CREB5: variants seen among roughly 807,000 people sequenced by gnomAD.
CREB5 encodes the protein cyclic AMP-responsive element-binding protein 5.
Under a neutral mutation model 57.1 loss-of-function variants are expected in CREB5, and 19 were observed. The ratio of observed to expected loss-of-function variants is 0.33; its 90% CI spans 0.23 to 0.49. CREB5 has a LOEUF of 0.49. Ranked by LOEUF, CREB5 falls within the 20% of genes least tolerant of loss-of-function variation. The pLI is 0.99. For synonymous variants in CREB5, 238 were observed against 238.3 expected, an observed-to-expected ratio of 1.00 and a Z score of 0.01; for missense variants, 579 against 671.6, an observed-to-expected ratio of 0.86 and a Z score of 1.52.
chr7:28,442,405 G>A (rs1789228211), intron 1 of CREB5, among the ~76,000 whole-genome samples: 1 of 152,098 alleles, frequency 6.6e-6, no homozygotes, highest in South Asian at 2.1e-4. Context: ...GCAAACATGG[G>A]GGTGCAGGTG....
At chr7:28,407,753 A>T (rs1398257241), upstream of CREB5, among the ~76,000 whole-genome samples, 2 of 152,176 alleles carry the variant, frequency 1.3e-5, no homozygotes, top group Non-Finnish European at 2.9e-5. Flanking sequence ...GGCCACTTAA[A>T]CACTTAAAAA....
intron 4 of CREB5, among the ~76,000 whole-genome samples, chr7:28,509,625 G>A (rs1043663764): frequency 2.0e-5 from 3 of 152,128 alleles, no homozygotes; most frequent in Non-Finnish European, 2.9e-5. Context: ...ACATTGTCAT[G>A]CTATACATGT....
At chr7:28,685,118 C>T (rs930876163) in intron 5 of CREB5, among the ~76,000 whole-genome samples, 2 of 152,162 alleles carry the variant, frequency 1.3e-5, no homozygotes, top group African/African-American at 2.4e-5. Context: ...AAGTCACAGA[C>T]GGCCCCACCC....
At chr7:28,788,659 G>C (rs1188941602) in intron 7 of CREB5, among the ~76,000 whole-genome samples, 2 of 152,192 alleles carry the variant, frequency 1.3e-5, no homozygotes, top group Non-Finnish European at 2.9e-5. Flanking sequence ...AAACACCAGA[G>C]AAGTGCAGAA....
chr7:28,377,434 T>C (rs868180524), intron 1 of CREB5, among the ~76,000 whole-genome samples: 1 of 152,070 alleles, frequency 6.6e-6, no homozygotes. Flanking sequence ...CTTTTCAATA[T>C]AGTAACTAGA....
chr7:28,737,485 T>TTCTC (rs142651748), intron 7 of CREB5, among the ~76,000 whole-genome samples: 50 of 135,222 alleles, frequency 3.7e-4, no homozygotes, highest in South Asian at 1.9e-3. Context: ...ACATAGTAAT[T>TTCTC]TCTCTCTCTC....
intron 5 of CREB5, among the ~76,000 whole-genome samples, chr7:28,714,478 G>A (rs6462100): frequency 0.28 from 41,963 of 152,058 alleles, 6,454 homozygotes; most frequent in African/African-American, 0.4. Context: ...AGACCCCTTC[G>A]CACCTTCCAG....
chr7:28,323,133 C>T (rs1411318408), intron 1 of CREB5, among the ~76,000 whole-genome samples: 2 of 152,124 alleles, frequency 1.3e-5, no homozygotes, highest in South Asian at 4.1e-4. Context: ...AACATTAGCA[C>T]CCTAATTCTT....
chr7:28,660,326 T>A (rs570545223), intron 5 of CREB5, among the ~76,000 whole-genome samples: 43 of 152,144 alleles, frequency 2.8e-4, no homozygotes, highest in Non-Finnish European at 5.3e-4. Context: ...CTGAGGGAAA[T>A]TATTTTGAAC....
intron 7 of CREB5, among the ~76,000 whole-genome samples, chr7:28,782,457 TTTTC>T (rs1269660350): frequency 6.6e-6 from 1 of 152,212 alleles, no homozygotes; most frequent in African/African-American, 2.4e-5. Context: ...CAGTTTTAAT[TTTTC>T]TTTTTTGCTC....
chr7:28,698,642 A>T (rs934360541), intron 5 of CREB5, among the ~76,000 whole-genome samples: 2 of 152,204 alleles, frequency 1.3e-5, no homozygotes, highest in Non-Finnish European at 2.9e-5. Context: ...CTAAAAGCAA[A>T]CAGATTGGAG....
In CREB5 at chr7:28,328,710, T is replaced by G. The variant is rs577054341; in HGVS notation, c.-25+29269T>G. On this transcript the variant is annotated intron_variant, in intron 1 of 9. Transcript: ENST00000396299. ...TGCTTCTGGGAAGTGGTTCTCAAAC[T>G]TATCAAAAGTAATCACCTGCTTAAA... Among the ~76,000 whole-genome samples, 8 of 152,322 alleles carry G rather than the reference T, an allele frequency of 5.3e-5. No homozygotes were observed. In the East Asian group the frequency reaches 1.5e-3, roughly 29 times the overall value.
At chr7:28,437,272 T>C (rs1405311270) in intron 1 of CREB5, among the ~76,000 whole-genome samples, 4 of 152,180 alleles carry the variant, frequency 2.6e-5, no homozygotes, top group Non-Finnish European at 4.4e-5. Flanking sequence ...ATTATCTCTG[T>C]TCTGCTGAGG....
upstream of CREB5, chr7:28,410,665 G>A: frequency 2.4e-6 from 1 of 416,330 alleles, no homozygotes; most frequent in South Asian, 1.7e-5. Context: ...TGTATATTTC[G>A]TTGTCAGTCT....
At chr7:28,365,586 A>G (rs2127992907) in intron 1 of CREB5, among the ~76,000 whole-genome samples, 1 of 152,112 alleles carries the variant, frequency 6.6e-6, no homozygotes, top group African/African-American at 2.4e-5. Context: ...GGCAACATTT[A>G]TTGAAAGTTG....
intron 4 of CREB5, among the ~76,000 whole-genome samples, chr7:28,560,659 C>A (rs929092387): frequency 6.6e-6 from 1 of 151,852 alleles, no homozygotes; most frequent in Non-Finnish European, 1.5e-5. Flanking sequence ...AAGACAAAAT[C>A]GACAGACTGG....
At chr7:28,489,296 CTTTTTTTTTTT>C (rs70977046) in intron 2 of CREB5, among the ~76,000 whole-genome samples, 4 of 96,648 alleles carry the variant, frequency 4.1e-5, no homozygotes, top group Non-Finnish European at 5.7e-5. Flanking sequence ...GAGGACCCTT[CTTTTTTTTTTT>C]TTTTTTTTTT....
chr7:28,426,824 A>G (rs1788528602), intron 1 of CREB5, among the ~76,000 whole-genome samples: 1 of 152,222 alleles, frequency 6.6e-6, no homozygotes, highest in South Asian at 2.1e-4. Flanking sequence ...CAAGAACTGA[A>G]TCTTGCCTAG....
intron 7 of CREB5, among the ~76,000 whole-genome samples, chr7:28,726,073 G>C (rs901884928): frequency 6.6e-6 from 1 of 152,186 alleles, no homozygotes; most frequent in African/African-American, 2.4e-5. Flanking sequence ...ATGTCAGTTG[G>C]AAACAAAGGG....
Sources: allele counts gnomAD v4.1 joint callset (sites outside exome capture counted in the v4.1 genomes callset), GRCh38; gene constraint gnomAD v4.1.1; transcripts MANE v1.5; gene names NCBI Gene and HGNC (gene_info 2026-07-23, HGNC 2026-07-21).